Variants in DOP1A observed in about 807,000 individuals in gnomAD.
DOP1A encodes DOP1 leucine zipper like protein A.
Under a neutral mutation model 267.6 loss-of-function variants are expected in DOP1A, and 90 were observed. That is an observed-to-expected ratio of 0.34 (90% CI 0.28 to 0.40). DOP1A has a LOEUF of 0.40. Among genes scored for constraint, DOP1A ranks in the 10% least tolerant of loss-of-function variants. The pLI is 1.00. For missense variants in DOP1A, 2,437 were observed against 2,900.4 expected, an observed-to-expected ratio of 0.84 and a Z score of 3.67; for synonymous variants, 932 against 999.1, an observed-to-expected ratio of 0.93 and a Z score of 1.27.
chr6:83,130,248 T>G lies in DOP1A; in HGVS notation c.2467T>G (p.Ser823Ala). ...TATGGACCTGGTGGGACTGACACAGTCTGTGGCCATGGTCACTGGGGAAAA... is the reference window on the plus strand; with the variant it reads ...TATGGACCTGGTGGGACTGACACAGGCTGTGGCCATGGTCACTGGGGAAAA... ...LVMDLVGLTQ[S>A]VAMVTGENIN... The change falls in exon 17 of 39, where the codon TCT becomes GCT. Residue 823 changes from serine (S) to alanine (A), a missense_variant. By Grantham distance (99) the Ser-to-Ala change is moderately conservative. Transcript: ENST00000349129. The G allele has an allele frequency of 6.2e-7, 1 of 1,614,032 alleles. No individual in the cohort carries two copies. The highest frequency in any genetic ancestry group is 8.5e-7 in the Non-Finnish European group (1 of 1,179,988).
In DOP1A at chr6:83,140,230, A is replaced by G; in HGVS notation, c.5242A>G (p.Ser1748Gly). 1 of 1,609,688 alleles carries G rather than the reference A, an allele frequency of 6.2e-7. No homozygotes were observed. ...CCCCAACTGTTAATAGCTTTTGGTC[A>G]GTGTAGACCAGAAACACTTGTTTGA... ...PTTQYHQLLV[S>G]VDQKHLFEAR... The change falls in exon 23 of 39, where the codon AGT becomes GGT. Residue 1748 changes from serine to glycine, a missense_variant. Physicochemically the swap from Ser to Gly is moderately conservative, Grantham distance 56 (BLOSUM62 0). Transcript: ENST00000349129.
rs1023724117 is a variant in DOP1A at position 83,129,296 on chromosome 6, A to T, written c.2129A>T (p.Asp710Val). 4 of 1,608,740 alleles carry T rather than the reference A, an allele frequency of 2.5e-6. No homozygotes were observed. The highest frequency in any genetic ancestry group is 3.4e-6 in the Non-Finnish European group (4 of 1,178,112). Residue 710 changes from aspartate (D) to valine (V), a missense_variant, in exon 16 of 39, where the codon GAT becomes GTT. This residue lies in a region of DOP1A where 498 missense variants were observed against 513.5 expected (regional missense o/e 0.97). Coordinates refer to ENST00000349129, the MANE Select transcript of DOP1A (RefSeq NM_015018.4). ...TCTTTGGCTACAGAACATCAAGGGG[A>T]TCTTGGTCGAGAACAAGGAGAGACT... ...SQSLATEHQG[D>V]LGREQGETSK...
chr6:83,134,477 C>T (rs1253133069), intron 19 of DOP1A, 190 bp downstream of exon 19: 7 of 493,086 alleles, frequency 1.4e-5, no homozygotes, highest in Non-Finnish European at 2.1e-5. Flanking sequence ...CAGGTTTTTA[C>T]TTTCTGGTTT....
At position 83,137,780 on chromosome 6, in the gene DOP1A, C is replaced by T. The variant is rs757378453; in HGVS notation, c.3738C>T (p.His1246=). 6.2e-7 allele frequency: 1 copy of T among 1,613,858 alleles called. No individual in the cohort carries two copies. The highest frequency in any genetic ancestry group is 1.1e-5 in the South Asian group (1 of 91,064). ...SSSPCISGTT[H]TLHDSSVASI... ...CACCTTGTATTTCAGGAACCACACA[C>T]ACTCTTCATGACTCTTCTGTTGCTT... The change falls in exon 21 of 39, where the codon CAC becomes CAT. Residue 1246 remains histidine, a synonymous_variant. Transcript: ENST00000349129.
At chr6:83,152,889 G>A (rs1781995510) in intron 30 of DOP1A, among the ~76,000 whole-genome samples, 1 of 151,998 alleles carries the variant, frequency 6.6e-6, no homozygotes, top group Admixed American at 6.6e-5. Flanking sequence ...AAGTGCTGAG[G>A]TTACAGGCAT....
intron 10 of DOP1A, 77 bp downstream of exon 10, chr6:83,120,868 G>C: frequency 1.8e-6 from 2 of 1,128,912 alleles, no homozygotes; most frequent in South Asian, 2.4e-5. Context: ...GAGTCATCAG[G>C]GAAATTGTTA....
At chr6:83,141,274 A>T (rs1018881690) in intron 23 of DOP1A, among the ~76,000 whole-genome samples, 2 of 152,060 alleles carry the variant, frequency 1.3e-5, no homozygotes, top group Admixed American at 6.5e-5. Context: ...AGAAAAAGGA[A>T]TAAAGAAAGT....
At chr6:83,152,620 C>CTTT (rs35823510) in intron 30 of DOP1A, among the ~76,000 whole-genome samples, 6 of 133,872 alleles carry the variant, frequency 4.5e-5, no homozygotes, top group Non-Finnish European at 3.2e-5. Context: ...TTTTCTTTTT[C>CTTT]TTTTTTTTTT....
chr6:83,138,140 T>C lies in DOP1A; in HGVS notation c.4098T>C (p.Tyr1366=), dbSNP rs763514501. Residue 1366 remains tyrosine (Y), a synonymous_variant, in exon 21 of 39, where the codon TAT becomes TAC. Coordinates refer to ENST00000349129, the MANE Select transcript of DOP1A (RefSeq NM_015018.4). The part of the protein sequence containing the change: ...KSPNFNIHPL[Y]QHVLLYLQLY... The stretch of plus-strand genomic sequence containing the variant: ...CCAATTTCAACATTCATCCTCTCTA[T>C]CAACATGTGCTCCTGTATCTCCAGT... The C allele has an allele frequency of 3.1e-6, 5 of 1,613,990 alleles. No homozygotes were observed. The highest frequency in any genetic ancestry group is 4.2e-6 in the Non-Finnish European group (5 of 1,179,912).
chr6:83,084,703 C>A (rs1236989048), intron 1 of DOP1A, among the ~76,000 whole-genome samples: 13 of 151,982 alleles, frequency 8.6e-5, no homozygotes, highest in Non-Finnish European at 1.8e-4. Flanking sequence ...GTGCCTCAGC[C>A]ACCCAAGAGG....
intron 1 of DOP1A, among the ~76,000 whole-genome samples, chr6:83,085,088 G>C (rs941262609): frequency 1.3e-5 from 2 of 152,178 alleles, no homozygotes; most frequent in Non-Finnish European, 2.9e-5. Context: ...TATTTGAGGA[G>C]AGTAAGGTCA....
Position 83,140,421 on chromosome 6 carries a change from T to G in DOP1A, c.5415+18T>G. 5 of 1,574,878 alleles carry G rather than the reference T, an allele frequency of 3.2e-6. No homozygotes were observed. The highest frequency in any genetic ancestry group is 1.7e-4 in the Middle Eastern group (1 of 5,884). ...CTACAAAGGTTAGACAATTCATATTTAATCTGTAGAGCTCAAGAGTCTGAG... is the reference window on the plus strand; with the variant it reads ...CTACAAAGGTTAGACAATTCATATTGAATCTGTAGAGCTCAAGAGTCTGAG... On this transcript the variant is annotated intron_variant, in intron 23 of 38. Coordinates refer to ENST00000349129, the MANE Select transcript of DOP1A (RefSeq NM_015018.4).
At chr6:83,107,838 C>T (rs1015044922) in intron 4 of DOP1A, among the ~76,000 whole-genome samples, 2 of 152,166 alleles carry the variant, frequency 1.3e-5, no homozygotes, top group East Asian at 1.9e-4. Flanking sequence ...TAGAAAGTTC[C>T]GAAAGGAACT....
At chr6:83,092,649 T>C (rs184026172) in intron 1 of DOP1A, among the ~76,000 whole-genome samples, 1 of 132,190 alleles carries the variant, frequency 7.6e-6, no homozygotes, top group African/African-American at 3.0e-5. Flanking sequence ...CTAAATTCTG[T>C]TTTTTTTTCT....
At chr6:83,125,055 T>C (rs1776940011) in intron 13 of DOP1A, 111 bp from the exon 14 acceptor site, 1 of 1,013,478 alleles carries the variant, frequency 9.9e-7, no homozygotes, top group East Asian at 2.6e-5. Flanking sequence ...GTTTAGTGTA[T>C]AGTGGTCTAA....
At chr6:83,074,075 T>G (rs1786060137) in intron 1 of DOP1A, among the ~76,000 whole-genome samples, 2 of 152,206 alleles carry the variant, frequency 1.3e-5, no homozygotes, top group African/African-American at 4.8e-5. Flanking sequence ...TATGTGAATA[T>G]CTATCTAAAT....
At chr6:83,103,766 T>A (rs1773035351) in intron 4 of DOP1A, among the ~76,000 whole-genome samples, 1 of 152,214 alleles carries the variant, frequency 6.6e-6, no homozygotes, top group Non-Finnish European at 1.5e-5. Context: ...ATAATTTACA[T>A]TCAATAAAAT....
intron 38 of DOP1A, chr6:83,166,627 A>G: frequency 2.3e-6 from 2 of 863,676 alleles, no homozygotes; most frequent in Non-Finnish European, 3.2e-6. Flanking sequence ...AATGTACTCC[A>G]ATATAAAACG....
intron 4 of DOP1A, 24 bp from the exon 5 acceptor site, chr6:83,108,886 C>T: frequency 6.3e-7 from 1 of 1,597,360 alleles, no homozygotes; most frequent in Non-Finnish European, 8.5e-7. Context: ...GCTTCCTTCT[C>T]CTTTGTCTTT....
Sources: allele counts gnomAD v4.1 joint callset (sites outside exome capture counted in the v4.1 genomes callset), GRCh38; gene constraint gnomAD v4.1.1; regional missense constraint gnomAD v4.1.1; transcripts MANE v1.5; gene names NCBI Gene and HGNC (gene_info 2026-07-23, HGNC 2026-07-21).